Variants in RALGAPA2 observed in about 807,000 individuals in gnomAD.
RALGAPA2 encodes ral GTPase-activating protein subunit alpha-2.
RALGAPA2 carries 139 observed loss-of-function variants against 230.4 expected under a neutral mutation model. The observed-to-expected ratio is 0.60, with a 90% CI of 0.53 to 0.69. RALGAPA2 has a LOEUF of 0.69. Among genes scored for constraint, RALGAPA2 ranks in the 30% least tolerant of loss-of-function variants. The pLI is 0.00. For synonymous variants in RALGAPA2, 847 were observed against 837.8 expected (o/e 1.01, Z -0.19); for missense variants, 2,163 against 2,276.0 (o/e 0.95, Z 1.01).
intron 37 of RALGAPA2, among the ~76,000 whole-genome samples, chr20:20,423,168 C>A (rs2122880801): frequency 6.6e-6 from 1 of 152,054 alleles, no homozygotes; most frequent in Middle Eastern, 3.4e-3. Context: ...GTGTAAGTGA[C>A]CAGGAGGGTG....
intron 37 of RALGAPA2, among the ~76,000 whole-genome samples, chr20:20,459,422 T>G (rs1363461371): frequency 1.3e-5 from 2 of 150,528 alleles, no homozygotes; most frequent in Non-Finnish European, 2.9e-5. Flanking sequence ...AGAGGTTTTT[T>G]TGCTTTTTTT....
intron 36 of RALGAPA2, among the ~76,000 whole-genome samples, chr20:20,485,426 C>T (rs942481995): frequency 6.6e-6 from 1 of 152,212 alleles, no homozygotes; most frequent in African/African-American, 2.4e-5. Context: ...GCTTCTTTGG[C>T]ACCCACTCTG....
intron 4 of RALGAPA2, among the ~76,000 whole-genome samples, chr20:20,648,282 A>G (rs1272535077): frequency 2.0e-5 from 3 of 152,226 alleles, no homozygotes; most frequent in African/African-American, 7.2e-5. Flanking sequence ...AAGACTCTAG[A>G]AAACGCAAGC....
chr20:20,515,779 C>A (rs2062851343), intron 31 of RALGAPA2, among the ~76,000 whole-genome samples: 1 of 152,104 alleles, frequency 6.6e-6, no homozygotes, highest in South Asian at 2.1e-4. Context: ...GAAAGATGCT[C>A]CTAACTGAAT....
At position 20,443,306 on chromosome 20, in the gene RALGAPA2, G is replaced by A. The variant is rs543066213; in HGVS notation, c.5495+29523C>T. ...AGGATGCATAAAAAGCATCTTTTTGGGTGAGAATGCGGGAAGCAGTCCTCC... is the reference window on the plus strand; with the variant it reads ...AGGATGCATAAAAAGCATCTTTTTGAGTGAGAATGCGGGAAGCAGTCCTCC... On this transcript the variant is annotated intron_variant, in intron 37 of 39. Transcript: ENST00000202677. 7.9e-5 allele frequency among the ~76,000 whole-genome samples: 12 copies of A among 152,232 alleles called. No homozygotes were observed. The South Asian group carries it at 2.5e-3, about 32-fold the overall frequency.
intron 10 of RALGAPA2, among the ~76,000 whole-genome samples, chr20:20,624,282 G>T (rs113411902): frequency 0.012 from 1,602 of 138,778 alleles, 26 homozygotes; most frequent in African/African-American, 0.042. Context: ...AGCCAAGATC[G>T]CACCACTGCA....
At chr20:20,653,436 A>G in intron 4 of RALGAPA2, 94 bp downstream of exon 4, 10 of 745,548 alleles carry the variant, frequency 1.3e-5, no homozygotes, top group Non-Finnish European at 2.3e-5. Flanking sequence ...ATTCCTTTCT[A>G]TAAGCTATCT....
chr20:20,560,811 T>C (rs77590214), intron 23 of RALGAPA2, among the ~76,000 whole-genome samples: 179 of 152,334 alleles, frequency 1.2e-3, no homozygotes, highest in African/African-American at 4.2e-3. Context: ...AAAGTCTTCA[T>C]AGAACTCTAA....
intron 38 of RALGAPA2, among the ~76,000 whole-genome samples, chr20:20,407,788 C>T (rs1427200688): frequency 6.6e-6 from 1 of 152,118 alleles, no homozygotes; most frequent in Non-Finnish European, 1.5e-5. Context: ...TAACCCTTTC[C>T]ACGAGGGCAT....
intron 38 of RALGAPA2, among the ~76,000 whole-genome samples, chr20:20,409,251 A>G (rs746786326): frequency 4.6e-5 from 7 of 152,118 alleles, no homozygotes; most frequent in Admixed American, 1.3e-4. Flanking sequence ...TTCAGACTTA[A>G]AGGCTGATTT....
intron 17 of RALGAPA2, 91 bp downstream of exon 17, chr20:20,591,086 C>G: frequency 1.5e-6 from 2 of 1,360,836 alleles, no homozygotes; most frequent in Non-Finnish European, 2.0e-6. Flanking sequence ...TAAATATATT[C>G]AGAATATATG....
At chr20:20,453,985 C>A (rs1484585255) in intron 37 of RALGAPA2, among the ~76,000 whole-genome samples, 2 of 152,142 alleles carry the variant, frequency 1.3e-5, no homozygotes, top group African/African-American at 2.4e-5. Context: ...ATGATCATCT[C>A]CAGCAAGAAA....
At chr20:20,669,092 AGAACATCCAAATGAGTG>A (rs1283138566) in intron 3 of RALGAPA2, among the ~76,000 whole-genome samples, 1 of 152,254 alleles carries the variant, frequency 6.6e-6, no homozygotes, top group African/African-American at 2.4e-5. Flanking sequence ...TGATATTTGA[AGAACATCCAAATGAGTG>A]GCACTCCAAT....
intron 37 of RALGAPA2, among the ~76,000 whole-genome samples, chr20:20,414,702 C>A (rs2060132649): frequency 6.6e-6 from 1 of 152,166 alleles, no homozygotes; most frequent in African/African-American, 2.4e-5. Context: ...TATGGTCTGA[C>A]TCCTAAATTA....
chr20:20,694,902 A>G (rs538130385), intron 1 of RALGAPA2, among the ~76,000 whole-genome samples: 1 of 152,338 alleles, frequency 6.6e-6, no homozygotes, highest in African/African-American at 2.4e-5. Flanking sequence ...TGATACCTAA[A>G]TTATTTTTCA....
rs552859665 is a variant in RALGAPA2, at chr20:20,517,230, T to A, written c.4084+3687A>T. Among the ~76,000 whole-genome samples, 25 of 152,248 alleles carry A rather than the reference T, an allele frequency of 1.6e-4. No individual in the cohort carries two copies. In the South Asian group the frequency reaches 1.9e-3, roughly 11 times the overall value. On this transcript the variant is annotated intron_variant, in intron 31 of 39. Transcript: ENST00000202677. ...CTATATGGAACATCAACATCCCTCATCCCTACAGATGAAAAGAGGTGCCTG... is the reference window on the plus strand; with the variant it reads ...CTATATGGAACATCAACATCCCTCAACCCTACAGATGAAAAGAGGTGCCTG...
rs548716401 is a variant in RALGAPA2, at chr20:20,439,722, A to G, written c.5496-27574T>C. 2.0e-5 allele frequency among the ~76,000 whole-genome samples: 3 copies of G among 152,354 alleles called. No individual in the cohort carries two copies. The South Asian group carries it at 6.2e-4, about 32-fold the overall frequency. Reference sequence around the variant, plus strand: ...GCACAGCTTCAGAGCAATACAAAACAGGTAATTTAATTCCATAAAATTATC... The same window carrying G: ...GCACAGCTTCAGAGCAATACAAAACGGGTAATTTAATTCCATAAAATTATC... On this transcript the variant is annotated intron_variant, in intron 37 of 39. Transcript: ENST00000202677.
At position 20,390,691 on chromosome 20, in the gene RALGAPA2, A is replaced by AAAAAAAAAAAT. The variant is rs1556001209; in HGVS notation, c.*2597_*2598insATTTTTTTTTT. The AAAAAAAAAAAT allele has an allele frequency of 1.1e-4, 16 of 150,526 alleles. No individual in the cohort carries two copies. Among genetic ancestry groups the AAAAAAAAAAAT allele is most frequent in the African/African-American group, 3.9e-4 (16 of 41,026 alleles). 9.3% of individuals were successfully genotyped at this position (150,526 alleles called of 1,614,324 possible). ...AAACACAATATTTGCTTTTCTAAGT[A>AAAAAAAAAAAT]AAAAAAAAATAAAAAAGAAACTTGA... On this transcript the variant is annotated 3_prime_UTR_variant, in exon 40 of 40. Transcript: ENST00000202677.
chr20:20,641,667 A>T (rs546410259), intron 5 of RALGAPA2, among the ~76,000 whole-genome samples: 31 of 142,136 alleles, frequency 2.2e-4, no homozygotes, highest in Middle Eastern at 3.6e-3. Context: ...TTATGTCAAT[A>T]AAAAAAAAAA....
Sources: allele counts gnomAD v4.1 joint callset (sites outside exome capture counted in the v4.1 genomes callset), GRCh38; gene constraint gnomAD v4.1.1; transcripts MANE v1.5; gene names NCBI Gene and HGNC (gene_info 2026-07-23, HGNC 2026-07-21).